The following NUMB variants were observed in gnomAD, a reference collection of about 807,000 sequenced individuals.
NUMB encodes protein numb homolog.
In NUMB, 29 loss-of-function variants were observed where a neutral mutation model predicts 59.7. That is an observed-to-expected ratio of 0.49 (90% confidence interval 0.36 to 0.66). The LOEUF (loss-of-function observed/expected upper bound fraction) is 0.66. NUMB is among the 30% of genes least tolerant of loss of function. The pLI, the probability that NUMB is intolerant of heterozygous loss-of-function variation, is 0.00. For synonymous variants in NUMB, 288 were observed against 288.2 expected (o/e 1.00, Z 0.01); for missense variants, 723 against 822.0 (o/e 0.88, Z 1.47).
At chr14:73,381,110 C>G (rs1336298532) in intron 2 of NUMB, among the ~76,000 whole-genome samples, 2 of 152,130 alleles carry the variant, frequency 1.3e-5, no homozygotes, top group Non-Finnish European at 2.9e-5. Flanking sequence ...TATTAAATAA[C>G]TGCTCCAAAG....
intron 6 of NUMB, among the ~76,000 whole-genome samples, chr14:73,305,276 G>A (rs1188937957): frequency 6.6e-6 from 1 of 152,106 alleles, no homozygotes; most frequent in Non-Finnish European, 1.5e-5. Flanking sequence ...AAATACAGTA[G>A]TGGGCCATAG....
At chr14:73,431,312 C>G (rs1490682481) in intron 1 of NUMB, among the ~76,000 whole-genome samples, 1 of 146,820 alleles carries the variant, frequency 6.8e-6, no homozygotes, top group Non-Finnish European at 1.5e-5. Context: ...TTGGAGGGCA[C>G]TGGCGCGATC....
intron 6 of NUMB, among the ~76,000 whole-genome samples, chr14:73,314,830 C>T (rs535054380): frequency 4.6e-5 from 7 of 151,990 alleles, no homozygotes; most frequent in East Asian, 1.9e-4. Flanking sequence ...TAATTGCTTT[C>T]GGAAACTCTG....
chr14:73,319,254 C>G (rs530906383), intron 5 of NUMB, among the ~76,000 whole-genome samples: 3 of 152,128 alleles, frequency 2.0e-5, no homozygotes, highest in Admixed American at 6.5e-5. Context: ...CAGAGCGAAA[C>G]TCCACTCCAA....
At chr14:73,342,405 G>T (rs1391380818) in intron 4 of NUMB, among the ~76,000 whole-genome samples, 1 of 152,152 alleles carries the variant, frequency 6.6e-6, no homozygotes, top group East Asian at 1.9e-4. Context: ...ACACTGTGAG[G>T]CAGCTTTGAA....
intron 2 of NUMB, among the ~76,000 whole-genome samples, chr14:73,391,751 G>A (rs747114347): frequency 6.6e-6 from 1 of 152,180 alleles, no homozygotes; most frequent in Non-Finnish European, 1.5e-5. Flanking sequence ...AGGTAATTCA[G>A]CAATCAAGTG....
At chr14:73,406,295 C>T (rs1240919000) in intron 2 of NUMB, among the ~76,000 whole-genome samples, 2 of 132,154 alleles carry the variant, frequency 1.5e-5, no homozygotes, top group Non-Finnish European at 3.1e-5. Context: ...CTTCCTGTGT[C>T]CAAGTGTTCT....
intron 4 of NUMB, among the ~76,000 whole-genome samples, chr14:73,337,664 A>G (rs1024503234): frequency 1.1e-4 from 17 of 152,332 alleles, no homozygotes; most frequent in East Asian, 1.9e-4. Context: ...GGCAAGAAAA[A>G]GAAATTATAA....
intron 1 of NUMB, among the ~76,000 whole-genome samples, chr14:73,415,407 A>G (rs991381602): frequency 7.9e-5 from 12 of 152,226 alleles, no homozygotes; most frequent in African/African-American, 2.9e-4. Flanking sequence ...TAACTAAAGT[A>G]ACACTTCACA....
chr14:73,409,199 C>T (rs1177206540), intron 2 of NUMB: 1 of 152,196 alleles, frequency 6.6e-6, no homozygotes, highest in East Asian at 1.9e-4. Flanking sequence ...TCCACAGCTT[C>T]CTTGAAACTT....
At chr14:73,324,106 T>C (rs1208126781) in intron 4 of NUMB, among the ~76,000 whole-genome samples, 1 of 152,144 alleles carries the variant, frequency 6.6e-6, no homozygotes, top group African/African-American at 2.4e-5. Flanking sequence ...TCAACTGGGG[T>C]AGATTAACTG....
chr14:73,402,845 C>A (rs1459407862), intron 2 of NUMB, among the ~76,000 whole-genome samples: 2 of 152,132 alleles, frequency 1.3e-5, no homozygotes, highest in Non-Finnish European at 2.9e-5. Flanking sequence ...ATTTTTAGTC[C>A]TTTGGTTCTC....
chr14:73,310,443 T>C (rs61985761), intron 6 of NUMB, among the ~76,000 whole-genome samples: 23,822 of 152,228 alleles, frequency 0.16, 2,696 homozygotes, highest in Non-Finnish European at 0.23. Context: ...ATTCAGGCCA[T>C]TGGGCTGTCT....
intron 2 of NUMB, among the ~76,000 whole-genome samples, chr14:73,367,342 T>TAGAG (rs1350365792): frequency 1.1e-3 from 85 of 78,592 alleles, no homozygotes; most frequent in African/African-American, 7.7e-3. Context: ...TATATATATA[T>TAGAG]ATATATAGAG....
intron 2 of NUMB, among the ~76,000 whole-genome samples, chr14:73,367,322 C>CACACACACATATACATAT (rs1555375266): frequency 1.1e-5 from 1 of 92,350 alleles, no homozygotes; most frequent in African/African-American, 5.4e-5. Context: ...CACACACACA[C>CACACACACATATACATAT]ATATATACAT....
chr14:73,372,305 TTATATATATATA>T lies in NUMB; in HGVS notation c.-100-5336_-100-5325del, dbSNP rs3028704. ...AAGTTGGAATATATATATATTTCTTTTATATATATATATATATATATATATATATATAACCTT... is the reference window on the plus strand; with the variant it reads ...AAGTTGGAATATATATATATTTCTTTTATATATATATATATATATAACCTT... On this transcript the variant is annotated intron_variant, in intron 2 of 12. Transcript: ENST00000555238. Among the ~76,000 whole-genome samples, 70 of 85,984 alleles carry T rather than the reference TTATATATATATA, an allele frequency of 8.1e-4. 3 individuals carry two copies. The highest frequency in any genetic ancestry group is 4.4e-3 in the East Asian group (11 of 2,500). 56.4% of individuals were successfully genotyped at this position (85,984 alleles called of 152,430 possible).
intron 3 of NUMB, among the ~76,000 whole-genome samples, chr14:73,356,532 A>C (rs1893793075): frequency 6.6e-6 from 1 of 152,032 alleles, no homozygotes; most frequent in African/African-American, 2.4e-5. Flanking sequence ...AATCCCAGCT[A>C]CTCAGGAGGC....
intron 4 of NUMB, among the ~76,000 whole-genome samples, chr14:73,344,491 C>A (rs978764578): frequency 3.9e-5 from 6 of 152,204 alleles, no homozygotes; most frequent in African/African-American, 1.4e-4. Context: ...AACCATTTGG[C>A]AAATCACTTA....
intron 1 of NUMB, among the ~76,000 whole-genome samples, chr14:73,455,082 C>T (rs1039318808): frequency 6.6e-6 from 1 of 152,028 alleles, no homozygotes; most frequent in Non-Finnish European, 1.5e-5. Context: ...TGGTTATATG[C>T]CTTGCAGTCT....
Sources: allele counts gnomAD v4.1 joint callset (sites outside exome capture counted in the v4.1 genomes callset), GRCh38; gene constraint gnomAD v4.1.1; transcripts MANE v1.5; gene names NCBI Gene and HGNC (gene_info 2026-07-23, HGNC 2026-07-21).